Variants in AIG1 observed in about 807,000 individuals in gnomAD.
AIG1 encodes androgen-induced gene 1 protein.
AIG1 carries 23 observed loss-of-function variants against 31.4 expected under a neutral mutation model. The ratio of observed to expected loss-of-function variants is 0.73; its 90% CI spans 0.53 to 1.04. The LOEUF (loss-of-function observed/expected upper bound fraction) is 1.04. AIG1 is among the 50% of genes least tolerant of loss of function. AIG1 has a pLI of 0.00. For missense variants in AIG1, 274 were observed against 295.0 expected (o/e 0.93, Z 0.52); for synonymous variants, 100 against 110.5 (o/e 0.90, Z 0.60).
At chr6:143,214,603 T>C (rs1791858713) in intron 3 of AIG1, among the ~76,000 whole-genome samples, 1 of 152,182 alleles carries the variant, frequency 6.6e-6, no homozygotes, top group African/African-American at 2.4e-5. Flanking sequence ...ATCCTCCTCA[T>C]TGTGGCCAGA....
chr6:143,088,266 C>CTT lies in AIG1; in HGVS notation c.141+27210_141+27211dup, dbSNP rs72556194. On this transcript the variant is annotated intron_variant, in intron 1 of 5. Transcript: ENST00000357847. ...GGGTATTTTCTATAACACTGCACATCTTTTTTTTTTTGTAATTACATATGT... is the reference window on the plus strand; with the variant it reads ...GGGTATTTTCTATAACACTGCACATCTTTTTTTTTTTTTGTAATTACATATGT... Among the ~76,000 whole-genome samples, 441 of 146,798 alleles carry CTT rather than the reference C, an allele frequency of 3.0e-3. 4 individuals carry two copies. The highest frequency in any genetic ancestry group is 0.01 in the African/African-American group (424 of 40,648).
intron 3 of AIG1, among the ~76,000 whole-genome samples, chr6:143,206,757 T>C (rs1791141871): frequency 6.6e-6 from 1 of 152,212 alleles, no homozygotes; most frequent in Non-Finnish European, 1.5e-5. Context: ...AGCATTTTTA[T>C]ATCAATAATT....
chr6:143,090,330 T>C (rs1045537066), intron 1 of AIG1, among the ~76,000 whole-genome samples: 3 of 152,134 alleles, frequency 2.0e-5, no homozygotes, highest in Admixed American at 6.5e-5. Context: ...TCCATAGATA[T>C]AGTTATATTT....
At chr6:143,343,297 T>A, downstream of AIG1, 1 of 624,188 alleles carries the variant, frequency 1.6e-6, no homozygotes, top group Non-Finnish European at 3.1e-6. Flanking sequence ...CCTCATGAAC[T>A]GATTTGGAAG....
intron 2 of AIG1, among the ~76,000 whole-genome samples, chr6:143,162,718 C>T (rs1386884306): frequency 6.6e-6 from 1 of 152,184 alleles, no homozygotes; most frequent in African/African-American, 2.4e-5. Flanking sequence ...CCTCACCCTC[C>T]AGAAACACAT....
intron 3 of AIG1, among the ~76,000 whole-genome samples, chr6:143,282,142 A>G (rs951227422): frequency 2.0e-5 from 3 of 152,170 alleles, no homozygotes; most frequent in African/African-American, 7.2e-5. Flanking sequence ...TATACAACCA[A>G]TATATATTTA....
intron 1 of AIG1, among the ~76,000 whole-genome samples, chr6:143,114,064 G>A (rs765432084): frequency 4.6e-5 from 7 of 152,134 alleles, no homozygotes; most frequent in Non-Finnish European, 8.8e-5. Flanking sequence ...GTGAGCCACC[G>A]CGCCTGGCCG....
chr6:143,267,036 G>A (rs144916842), intron 3 of AIG1, among the ~76,000 whole-genome samples: 113 of 152,284 alleles, frequency 7.4e-4, no homozygotes, highest in African/African-American at 2.4e-3. Flanking sequence ...CCTTGTCAAC[G>A]TCCTGCTTCT....
chr6:143,155,861 G>C (rs187703483), intron 2 of AIG1, among the ~76,000 whole-genome samples: 1 of 152,142 alleles, frequency 6.6e-6, no homozygotes, highest in Admixed American at 6.5e-5. Context: ...TGTCCTGCAG[G>C]CATGGAGGAG....
At chr6:143,227,299 T>C (rs541298935) in intron 3 of AIG1, among the ~76,000 whole-genome samples, 11 of 152,234 alleles carry the variant, frequency 7.2e-5, no homozygotes, top group African/African-American at 2.4e-4. Flanking sequence ...GAGAATGGGA[T>C]TGGAAACAGC....
At chr6:143,269,305 A>G (rs1796347422) in intron 3 of AIG1, among the ~76,000 whole-genome samples, 1 of 152,244 alleles carries the variant, frequency 6.6e-6, no homozygotes, top group Admixed American at 6.5e-5. Context: ...CTCAAATGAA[A>G]AAGACAGTAT....
At chr6:143,311,514 A>G (rs1479259905) in intron 4 of AIG1, among the ~76,000 whole-genome samples, 2 of 151,972 alleles carry the variant, frequency 1.3e-5, no homozygotes, top group East Asian at 1.9e-4. Context: ...ACATTCAAAT[A>G]CCAATTGATG....
intron 1 of AIG1, 60 bp downstream of exon 1, chr6:143,061,126 G>A: frequency 6.7e-7 from 1 of 1,500,218 alleles, no homozygotes; most frequent in Non-Finnish European, 9.1e-7. Context: ...GCGTGTGTGT[G>A]TGTGTGTGTG....
At position 143,064,418 on chromosome 6, in the gene AIG1, A is replaced by G. The variant is rs576886421; in HGVS notation, c.141+3352A>G. On this transcript the variant is annotated intron_variant, in intron 1 of 5. Coordinates refer to ENST00000357847, the MANE Select transcript of AIG1 (RefSeq NM_016108.4). Reference sequence around the variant, plus strand: ...GAGAGGTGTCTAGAAGCTGGAGAGGACAAAAAAATGGTTTTCCTCCTAGAG... The same window carrying G: ...GAGAGGTGTCTAGAAGCTGGAGAGGGCAAAAAAATGGTTTTCCTCCTAGAG... 6.0e-4 allele frequency among the ~76,000 whole-genome samples: 91 copies of G among 152,278 alleles called. 1 individual carries two copies. The Middle Eastern group carries it at 0.01, about 17-fold the overall frequency.
chr6:143,333,203 G>A lies in AIG1; in HGVS notation c.516-79G>A. 1 of 1,385,644 alleles carries A rather than the reference G, an allele frequency of 7.2e-7. No homozygotes were observed. The highest frequency in any genetic ancestry group is 9.7e-7 in the Non-Finnish European group (1 of 1,035,806). 85.8% of individuals were successfully genotyped at this position (1,385,644 alleles called of 1,614,324 possible). A position where few individuals can be genotyped will look rare whatever the true frequency, so the allele number is the denominator to read the frequency against. On this transcript the variant is annotated intron_variant, in intron 4 of 5. Transcript: ENST00000357847. This position sits in a 1 kb window ranked among gnomAD's most constrained non-coding sequence, Gnocchi z 4.6. ...TGAAGCATGGGGAGAGTGAGGGAGT[G>A]TATATTTGCATCATAGCAGCTTTGA...
intron 3 of AIG1, among the ~76,000 whole-genome samples, chr6:143,174,863 G>A (rs973212579): frequency 7.9e-5 from 12 of 152,216 alleles, no homozygotes; most frequent in Middle Eastern, 3.4e-3. Flanking sequence ...TTTGTTGCCT[G>A]AATACCTTGT....
Position 143,292,289 on chromosome 6 carries a change from G to C in AIG1, c.515+8064G>C, listed in dbSNP as rs865959424. Among the ~76,000 whole-genome samples the C allele has an allele frequency of 6.6e-6, 1 of 152,330 alleles. No homozygotes were observed. The highest frequency in any genetic ancestry group is 3.4e-3 in the Middle Eastern group (1 of 294). On this transcript the variant is annotated intron_variant, in intron 4 of 5. Coordinates refer to ENST00000357847, the MANE Select transcript of AIG1 (RefSeq NM_016108.4). This position sits in a 1 kb window ranked among gnomAD's most constrained non-coding sequence, Gnocchi z 4.9. ...CAGGTGTGATTAAGGTAAGGACCTT[G>C]TGATGGACAGGTTAGCCTGCTTTTG...
chr6:143,157,457 T>C (rs1205526233), intron 2 of AIG1, among the ~76,000 whole-genome samples: 2 of 151,714 alleles, frequency 1.3e-5, no homozygotes, highest in East Asian at 3.9e-4. Flanking sequence ...TTTCCTTTTT[T>C]TTTTTTGTGG....
At chr6:143,083,168 G>A (rs1375012350) in intron 1 of AIG1, among the ~76,000 whole-genome samples, 1 of 152,208 alleles carries the variant, frequency 6.6e-6, no homozygotes, top group Non-Finnish European at 1.5e-5. Context: ...CTGAGCCTTT[G>A]GTTTGGAAAC....
Sources: gnomAD v4.1 joint callset for allele counts (sites outside exome capture counted in the v4.1 genomes callset) on GRCh38, gnomAD v4.1.1 for gene constraint, Gnocchi (gnomAD v3.1) non-coding constraint, MANE v1.5 for transcripts, NCBI Gene and HGNC (gene_info 2026-07-23, HGNC 2026-07-21) for gene names.